Variants in PNMA6A observed in about 807,000 individuals in gnomAD.
PNMA6A encodes the protein PNMA family member 6A.
For missense variants in PNMA6A, 8 were observed against 103.5 expected, an observed-to-expected ratio of 0.08 and a Z score of 4.00; for synonymous variants, 2 against 49.3, an observed-to-expected ratio of 0.04 and a Z score of 4.02.
In PNMA6A at chrX:153,074,202, G is replaced by A; in HGVS notation, c.1140G>A (p.Gln380=). 4 of 638,872 alleles carry A rather than the reference G, an allele frequency of 6.3e-6. No homozygotes were observed. Among genetic ancestry groups the A allele is most frequent in the Non-Finnish European group, 9.0e-6 (4 of 443,709 alleles). The allele number at this position is 638,872 out of a possible 1,213,427, so 52.7% of individuals were successfully genotyped here. A position where few individuals can be genotyped will look rare whatever the true frequency, so the allele number is the denominator to read the frequency against. The change falls in exon 2 of 2, where the codon CAG becomes CAA. Residue 380 remains glutamine (Q), a synonymous_variant. Transcript: ENST00000421798. ...AGGGCCTCCTCCAGGCAGGAGGCCA[G>A]GAGGCTGAGGAGCTCCTCCAGGAGG... The part of the protein sequence containing the change: ...EPEGLLQAGG[Q]EAEELLQEGL...
Position 153,074,361 on chromosome X carries a change from G to A in PNMA6A, c.*99G>A, listed in dbSNP as rs1177811773. 1.6e-5 allele frequency: 14 copies of A among 850,740 alleles called. No homozygotes were observed. In the African/African-American group the frequency reaches 2.6e-4, roughly 15 times the overall value. The allele number at this position is 850,740 out of a possible 1,213,427, so 70.1% of individuals were successfully genotyped here. On this transcript the variant is annotated 3_prime_UTR_variant, in exon 2 of 2. Coordinates refer to ENST00000421798, the MANE Select transcript of PNMA6A (RefSeq NM_032882.6). Reference sequence around the variant, plus strand: ...TCCTCCTCTCAGGCAGCAGGGCCCTGGAGACAGGCGGAGGCGGGGCCAGGG... The same window carrying A: ...TCCTCCTCTCAGGCAGCAGGGCCCTAGAGACAGGCGGAGGCGGGGCCAGGG...
chrX:153,074,098 G>C lies in PNMA6A; in HGVS notation c.1036G>C (p.Ala346Pro). 1 of 408,748 alleles carries C rather than the reference G, an allele frequency of 2.4e-6. No individual in the cohort carries two copies. Among genetic ancestry groups the C allele is most frequent in the Non-Finnish European group, 4.0e-6 (1 of 252,010 alleles). 33.7% of individuals were successfully genotyped at this position (408,748 alleles called of 1,213,427 possible). The change falls in exon 2 of 2, where the codon GCC (alanine) becomes CCC (proline). Residue 346 changes from alanine (A) to proline (P), a missense_variant. Transcript: ENST00000421798. ...AGCCCAGACACAGGAAGGGGCCGGT[G>C]CCCGGGCTGGTGCCCAGGCTGTTGC... Reference protein sequence around the residue: ...VRAQTQEGAGARAGAQAVARA... With the variant: ...VRAQTQEGAGPRAGAQAVARA...
In PNMA6A at chrX:153,074,580, C is replaced by T. The variant is rs2301186; in HGVS notation, c.*318C>T. 1 of 300,221 alleles carries T rather than the reference C, an allele frequency of 3.3e-6. No individual in the cohort carries two copies. Among genetic ancestry groups the T allele is most frequent in the South Asian group, 5.0e-5 (1 of 20,102 alleles). The allele number at this position is 300,221 out of a possible 1,213,427, so 24.7% of individuals were successfully genotyped here. A position where few individuals can be genotyped will look rare whatever the true frequency, so the allele number is the denominator to read the frequency against. On this transcript the variant is annotated 3_prime_UTR_variant, in exon 2 of 2. Coordinates refer to ENST00000421798, the MANE Select transcript of PNMA6A (RefSeq NM_032882.6). ...GGTTGTGCTCACTGCTCTCCCGTAT[C>T]GTGAGCACCACCTCTGCTTTCCCTG...
rs1029789731 is a variant in PNMA6A, at chrX:153,074,492, T to C, written c.*230T>C. ...CCAGATGACCACATTTAATACCAAATGGGGTGGGGGGAGGCGCCCCTCCAG... is the reference window on the plus strand; with the variant it reads ...CCAGATGACCACATTTAATACCAAACGGGGTGGGGGGAGGCGCCCCTCCAG... On this transcript the variant is annotated 3_prime_UTR_variant, in exon 2 of 2. Transcript: ENST00000421798. The C allele has an allele frequency of 2.8e-4, 117 of 419,916 alleles. No individual in the cohort carries two copies. Among genetic ancestry groups the C allele is most frequent in the Non-Finnish European group, 4.7e-4 (111 of 237,435 alleles). 34.6% of individuals were successfully genotyped at this position (419,916 alleles called of 1,213,427 possible). A position where few individuals can be genotyped will look rare whatever the true frequency, so the allele number is the denominator to read the frequency against.
Position 153,074,371 on chromosome X carries a change from G to A in PNMA6A, c.*109G>A, listed in dbSNP as rs1603347243. 164 of 883,942 alleles carry A rather than the reference G, an allele frequency of 1.9e-4. No homozygotes were observed. Among genetic ancestry groups the A allele is most frequent in the Non-Finnish European group, 2.4e-4 (154 of 642,169 alleles). 72.8% of individuals were successfully genotyped at this position (883,942 alleles called of 1,213,427 possible). On this transcript the variant is annotated 3_prime_UTR_variant, in exon 2 of 2. Transcript: ENST00000421798. Reference sequence around the variant, plus strand: ...AGGCAGCAGGGCCCTGGAGACAGGCGGAGGCGGGGCCAGGGCCGGTCCCTC... The same window carrying A: ...AGGCAGCAGGGCCCTGGAGACAGGCAGAGGCGGGGCCAGGGCCGGTCCCTC...
In PNMA6A at chrX:153,074,957, A is replaced by G. The variant is rs1715336948; in HGVS notation, c.*695A>G. 8.1e-6 allele frequency: 1 copy of G among 123,454 alleles called. No individual in the cohort carries two copies. The highest frequency in any genetic ancestry group is 9.4e-5 in the Admixed American group (1 of 10,656). The allele number at this position is 123,454 out of a possible 1,213,427, so 10.2% of individuals were successfully genotyped here. The stretch of plus-strand genomic sequence containing the variant: ...GGCCATTTGCAGCTTCTGTGTTGTG[A>G]TTCCCTTCTCTTCAACGGTTTCAGT... On this transcript the variant is annotated 3_prime_UTR_variant, in exon 2 of 2. Coordinates refer to ENST00000421798, the MANE Select transcript of PNMA6A (RefSeq NM_032882.6).
Position 153,074,431 on chromosome X carries a change from C to T in PNMA6A, c.*169C>T. 5.4e-6 allele frequency: 3 copies of T among 555,617 alleles called. No individual in the cohort carries two copies. Among genetic ancestry groups the T allele is most frequent in the Non-Finnish European group, 8.6e-6 (3 of 347,386 alleles). The allele number at this position is 555,617 out of a possible 1,213,427, so 45.8% of individuals were successfully genotyped here. On this transcript the variant is annotated 3_prime_UTR_variant, in exon 2 of 2. Transcript: ENST00000421798. ...CGGGATCGGGGCCCCCCACTTCCCC[C>T]CAAGGGGCCCTGCCCACCACCACCT...
chrX:153,074,607 G>T lies in PNMA6A; in HGVS notation c.*345G>T. The T allele has an allele frequency of 4.0e-6, 1 of 251,025 alleles. No homozygotes were observed. Among genetic ancestry groups the T allele is most frequent in the Non-Finnish European group, 7.5e-6 (1 of 134,057 alleles). The allele number at this position is 251,025 out of a possible 1,213,427, so 20.7% of individuals were successfully genotyped here. On this transcript the variant is annotated 3_prime_UTR_variant, in exon 2 of 2. Transcript: ENST00000421798. The stretch of plus-strand genomic sequence containing the variant: ...TGAGCACCACCTCTGCTTTCCCTGC[G>T]TAGATCTAGGCCAGGGGCTGCTTGT...
chrX:153,074,982 T>C lies in PNMA6A; in HGVS notation c.*720T>C, dbSNP rs1211056529. 4.1e-5 allele frequency: 5 copies of C among 123,425 alleles called. No individual in the cohort carries two copies. The highest frequency in any genetic ancestry group is 1.6e-4 in the African/African-American group (5 of 30,693). 10.2% of individuals were successfully genotyped at this position (123,425 alleles called of 1,213,427 possible). ...ATTCCCTTCTCTTCAACGGTTTCAG[T>C]ACATATCTCTCTTCAATAAATTTCA... On this transcript the variant is annotated 3_prime_UTR_variant, in exon 2 of 2. Coordinates refer to ENST00000421798, the MANE Select transcript of PNMA6A (RefSeq NM_032882.6).
rs1022459885 is a variant in PNMA6A, at chrX:153,074,551, C to G, written c.*289C>G. On this transcript the variant is annotated 3_prime_UTR_variant, in exon 2 of 2. Coordinates refer to ENST00000421798, the MANE Select transcript of PNMA6A (RefSeq NM_032882.6). ...GCACGTGCTGTGAGCTTCCTGGGAG[C>G]CCAGGTTGTGCTCACTGCTCTCCCG... 7 of 356,227 alleles carry G rather than the reference C, an allele frequency of 2.0e-5. No individual in the cohort carries two copies. Among genetic ancestry groups the G allele is most frequent in the Non-Finnish European group, 3.6e-5 (7 of 196,125 alleles). The allele number at this position is 356,227 out of a possible 1,213,427, so 29.4% of individuals were successfully genotyped here.
In PNMA6A at chrX:153,074,652, T is replaced by C. The variant is rs1467361163; in HGVS notation, c.*390T>C. ...GCTTGTTTTTGTGGAGCCGTGTGTG[T>C]TCTTCTCTGAGCAGCTCCTCCCCAG... is the stretch of plus-strand genomic sequence containing the variant. On this transcript the variant is annotated 3_prime_UTR_variant, in exon 2 of 2. Transcript: ENST00000421798. 3.0e-5 allele frequency: 6 copies of C among 200,138 alleles called. No homozygotes were observed. Among genetic ancestry groups the C allele is most frequent in the African/African-American group, 1.8e-4 (6 of 32,979 alleles). The allele number at this position is 200,138 out of a possible 1,213,427, so 16.5% of individuals were successfully genotyped here.
Position 153,074,709 on chromosome X carries a change from A to T in PNMA6A, c.*447A>T, listed in dbSNP as rs1375571036. On this transcript the variant is annotated 3_prime_UTR_variant, in exon 2 of 2. Transcript: ENST00000421798. ...CCAGCGCAGTCCCGGGAGATGGCGG[A>T]AAGAAGGCACCAGGGCACAGTGGAC... 1 of 152,428 alleles carries T rather than the reference A, an allele frequency of 6.6e-6. No individual in the cohort carries two copies. The highest frequency in any genetic ancestry group is 3.2e-5 in the African/African-American group (1 of 31,326). The allele number at this position is 152,428 out of a possible 1,213,427, so 12.6% of individuals were successfully genotyped here.
chrX:153,074,432 CA>C lies in PNMA6A; in HGVS notation c.*172del, dbSNP rs2051219382. On this transcript the variant is annotated 3_prime_UTR_variant, in exon 2 of 2. Coordinates refer to ENST00000421798, the MANE Select transcript of PNMA6A (RefSeq NM_032882.6). ...GGGATCGGGGCCCCCCACTTCCCCC[CA>C]AGGGGCCCTGCCCACCACCACCTTC... The C allele has an allele frequency of 1.1e-5, 6 of 554,990 alleles. No individual in the cohort carries two copies. The highest frequency in any genetic ancestry group is 1.7e-5 in the Non-Finnish European group (6 of 347,781). The allele number at this position is 554,990 out of a possible 1,213,427, so 45.7% of individuals were successfully genotyped here.
rs1399396675 is a variant in PNMA6A, at chrX:153,074,651, G to A, written c.*389G>A. ...TGCTTGTTTTTGTGGAGCCGTGTGT[G>A]TTCTTCTCTGAGCAGCTCCTCCCCA... On this transcript the variant is annotated 3_prime_UTR_variant, in exon 2 of 2. Transcript: ENST00000421798. 1.0e-5 allele frequency: 2 copies of A among 199,959 alleles called. No homozygotes were observed. The highest frequency in any genetic ancestry group is 1.9e-5 in the Non-Finnish European group (2 of 103,005). 16.5% of individuals were successfully genotyped at this position (199,959 alleles called of 1,213,427 possible). A position where few individuals can be genotyped will look rare whatever the true frequency, so the allele number is the denominator to read the frequency against.
At position 153,074,598 on chromosome X, in the gene PNMA6A, T is replaced by G; in HGVS notation, c.*336T>G. ...CCCGTATCGTGAGCACCACCTCTGC[T>G]TTCCCTGCGTAGATCTAGGCCAGGG... On this transcript the variant is annotated 3_prime_UTR_variant, in exon 2 of 2. Coordinates refer to ENST00000421798, the MANE Select transcript of PNMA6A (RefSeq NM_032882.6). 1 of 261,190 alleles carries G rather than the reference T, an allele frequency of 3.8e-6. No individual in the cohort carries two copies. Among genetic ancestry groups the G allele is most frequent in the East Asian group, 8.8e-5 (1 of 11,310 alleles). The allele number at this position is 261,190 out of a possible 1,213,427, so 21.5% of individuals were successfully genotyped here. A position where few individuals can be genotyped will look rare whatever the true frequency, so the allele number is the denominator to read the frequency against.
At position 153,074,529 on chromosome X, in the gene PNMA6A, C is replaced by T. The variant is rs1478006289; in HGVS notation, c.*267C>T. ...AGGCGCCCCTCCAGTGCCAGGGGCA[C>T]GTGCTGTGAGCTTCCTGGGAGCCCA... On this transcript the variant is annotated 3_prime_UTR_variant, in exon 2 of 2. Transcript: ENST00000421798. 7 of 381,946 alleles carry T rather than the reference C, an allele frequency of 1.8e-5. No homozygotes were observed. Among genetic ancestry groups the T allele is most frequent in the African/African-American group, 2.5e-5 (1 of 39,273 alleles). 31.5% of individuals were successfully genotyped at this position (381,946 alleles called of 1,213,427 possible). A position where few individuals can be genotyped will look rare whatever the true frequency, so the allele number is the denominator to read the frequency against.
Position 153,074,488 on chromosome X carries a change from C to G in PNMA6A, c.*226C>G. 6.8e-6 allele frequency: 3 copies of G among 440,994 alleles called. No individual in the cohort carries two copies. 36.3% of individuals were successfully genotyped at this position (440,994 alleles called of 1,213,427 possible). A position where few individuals can be genotyped will look rare whatever the true frequency, so the allele number is the denominator to read the frequency against. On this transcript the variant is annotated 3_prime_UTR_variant, in exon 2 of 2. Coordinates refer to ENST00000421798, the MANE Select transcript of PNMA6A (RefSeq NM_032882.6). ...TGACCCAGATGACCACATTTAATAC[C>G]AAATGGGGTGGGGGGAGGCGCCCCT...
In PNMA6A at chrX:153,073,482, T is replaced by TCCATCGGTC. The variant is rs2051211681; in HGVS notation, c.421_422insCATCGGTCC (p.Gly140_Gln141insProSerVal). The TCCATCGGTC allele has an allele frequency of 2.3e-6, 1 of 442,046 alleles. No homozygotes were observed. Among genetic ancestry groups the TCCATCGGTC allele is most frequent in the Admixed American group, 2.5e-5 (1 of 40,568 alleles). The allele number at this position is 442,046 out of a possible 1,213,427, so 36.4% of individuals were successfully genotyped here. A position where few individuals can be genotyped will look rare whatever the true frequency, so the allele number is the denominator to read the frequency against. On this transcript the variant is annotated inframe_insertion, in exon 2 of 2. Coordinates refer to ENST00000421798, the MANE Select transcript of PNMA6A (RefSeq NM_032882.6). Reference sequence around the variant, plus strand: ...GGGTGTGCTGGCTGCGATCCATCGGTCAGGCGGTCCAGCCCTGGGTGGAGG... The same window carrying TCCATCGGTC: ...GGGTGTGCTGGCTGCGATCCATCGGTCCATCGGTCCAGGCGGTCCAGCCCTGGGTGGAGG...
rs1456092540 is a variant in PNMA6A at position 153,074,378 on chromosome X, G to C, written c.*116G>C. 2 of 871,800 alleles carry C rather than the reference G, an allele frequency of 2.3e-6. No homozygotes were observed. Among genetic ancestry groups the C allele is most frequent in the African/African-American group, 3.9e-5 (2 of 51,108 alleles). The allele number at this position is 871,800 out of a possible 1,213,427, so 71.8% of individuals were successfully genotyped here. A position where few individuals can be genotyped will look rare whatever the true frequency, so the allele number is the denominator to read the frequency against. ...AGGGCCCTGGAGACAGGCGGAGGCGGGGCCAGGGCCGGTCCCTCACCCCAC... is the reference window on the plus strand; with the variant it reads ...AGGGCCCTGGAGACAGGCGGAGGCGCGGCCAGGGCCGGTCCCTCACCCCAC... On this transcript the variant is annotated 3_prime_UTR_variant, in exon 2 of 2. Transcript: ENST00000421798.
Sources: gnomAD v4.1 joint callset for allele counts on GRCh38, gnomAD v4.1.1 for gene constraint, MANE v1.5 for transcripts, NCBI Gene and HGNC (gene_info 2026-07-23, HGNC 2026-07-21) for gene names.